PLEKHA8: variants seen among roughly 807,000 people sequenced by gnomAD.
The protein encoded by PLEKHA8 is pleckstrin homology domain-containing family A member 8.
PLEKHA8 carries 36 observed loss-of-function variants against 68.2 expected under a neutral mutation model. The ratio of observed to expected loss-of-function variants is 0.53; its 90% CI spans 0.40 to 0.70. The LOEUF (loss-of-function observed/expected upper bound fraction) is 0.70. PLEKHA8 is among the 30% of genes least tolerant of loss of function. The pLI is 0.00. For synonymous variants in PLEKHA8, 211 were observed against 216.1 expected (o/e 0.98, Z 0.20); for missense variants, 505 against 615.4 (o/e 0.82, Z 1.90).
At chr7:30,070,159 A>C (rs1227059184) in intron 12 of PLEKHA8, among the ~76,000 whole-genome samples, 1 of 149,172 alleles carries the variant, frequency 6.7e-6, no homozygotes, top group Non-Finnish European at 1.5e-5. Context: ...CTTTTATTTC[A>C]TTTGTTGGTT....
Position 30,078,597 on chromosome 7 carries a change from T to C in PLEKHA8, c.1370T>C (p.Leu457Ser). 6.2e-7 allele frequency: 1 copy of C among 1,613,720 alleles called. No individual in the cohort carries two copies. The highest frequency in any genetic ancestry group is 8.5e-7 in the Non-Finnish European group (1 of 1,179,786). ...TGGGTTATTCTTTTGCAGTTAGCTT[T>C]AAGGGCAGCTCCATCCTATGAAGAT... Reference protein sequence around the residue: ...WVVRGVFALALRAAPSYEDFV... With the variant: ...WVVRGVFALASRAAPSYEDFV... Residue 457 changes from leucine to serine, a missense_variant, in exon 14 of 14, where the codon TTA becomes TCA. Physicochemically the swap from Leu to Ser is moderately radical, Grantham distance 145 (BLOSUM62 -2). Transcript: ENST00000449726.
downstream of PLEKHA8, among the ~76,000 whole-genome samples, chr7:30,088,567 A>C (rs1795272319): frequency 6.6e-6 from 1 of 152,172 alleles, no homozygotes; most frequent in Non-Finnish European, 1.5e-5. Flanking sequence ...TTTTAGGATA[A>C]ATATGGCCAG....
At chr7:30,129,379 C>G (rs1796835827) in exon 14 of PLEKHA8, 6 of 1,595,226 alleles carry the variant, frequency 3.8e-6, no homozygotes, top group Non-Finnish European at 5.2e-6. Flanking sequence ...AGCTGAAACC[C>G]TGATGATAAA....
chr7:30,070,796 G>A (rs552559286), intron 12 of PLEKHA8, among the ~76,000 whole-genome samples: 26 of 152,096 alleles, frequency 1.7e-4, no homozygotes, highest in African/African-American at 3.1e-4. Context: ...CACCCGCCTC[G>A]GCCTCCCAAA....
intron 13 of PLEKHA8, among the ~76,000 whole-genome samples, chr7:30,113,212 G>A (rs891898649): frequency 1.3e-5 from 2 of 152,096 alleles, no homozygotes; most frequent in Non-Finnish European, 2.9e-5. Context: ...TTCTGGTTTT[G>A]ATTTGCTCCT....
At chr7:30,098,013 G>A (rs1195829419) in intron 13 of PLEKHA8, among the ~76,000 whole-genome samples, 1 of 152,186 alleles carries the variant, frequency 6.6e-6, no homozygotes, top group Admixed American at 6.5e-5. Flanking sequence ...TGGTGTGGAT[G>A]TCCTTTCTGT....
intron 9 of PLEKHA8, among the ~76,000 whole-genome samples, chr7:30,056,742 A>G (rs1326870774): frequency 2.7e-5 from 2 of 74,784 alleles, no homozygotes; most frequent in African/African-American, 1.0e-4. Flanking sequence ...AAAAAAAAAA[A>G]GTGTGTGTGT....
At chr7:30,066,114 T>G (rs1327669083) in intron 12 of PLEKHA8, among the ~76,000 whole-genome samples, 1 of 152,236 alleles carries the variant, frequency 6.6e-6, no homozygotes, top group Non-Finnish European at 1.5e-5. Context: ...TCTAAGAGAT[T>G]TTTAATAAGC....
intron 13 of PLEKHA8, chr7:30,117,945 T>C: frequency 6.7e-7 from 1 of 1,487,214 alleles, no homozygotes; most frequent in Middle Eastern, 1.7e-4. Flanking sequence ...ATTTAAAAAC[T>C]GAGACGTGGA....
intron 1 of PLEKHA8, among the ~76,000 whole-genome samples, chr7:30,031,983 A>G (rs995866096): frequency 6.6e-6 from 1 of 152,136 alleles, no homozygotes; most frequent in Non-Finnish European, 1.5e-5. Flanking sequence ...AAAAAAAAAA[A>G]GTTTACATGT....
chr7:30,089,159 C>T (rs937692660), downstream of PLEKHA8, among the ~76,000 whole-genome samples: 1 of 152,182 alleles, frequency 6.6e-6, no homozygotes. Context: ...CAGCTCCTTC[C>T]TCCTCCATAC....
downstream of PLEKHA8, among the ~76,000 whole-genome samples, chr7:30,085,219 T>G (rs997992865): frequency 9.2e-5 from 14 of 152,188 alleles, no homozygotes; most frequent in African/African-American, 3.4e-4. Context: ...GATTACAACT[T>G]GAGCCACTGT....
intron 13 of PLEKHA8, among the ~76,000 whole-genome samples, chr7:30,115,486 A>G (rs1174761321): frequency 2.0e-5 from 3 of 151,884 alleles, no homozygotes; most frequent in African/African-American, 4.8e-5. Context: ...GTATACGTGT[A>G]TGTAGACATA....
chr7:30,075,608 ACTGAGTTCTTAGG>A (rs886960660), intron 13 of PLEKHA8, among the ~76,000 whole-genome samples: 3 of 152,184 alleles, frequency 2.0e-5, no homozygotes, highest in Non-Finnish European at 4.4e-5. Flanking sequence ...AGAGGCCTCT[ACTGAGTTCTTAGG>A]CAATGGATGC....
rs1387750189 is a variant in PLEKHA8 at position 30,061,914 on chromosome 7, T to C, written c.1116T>C (p.Tyr372=). The part of the protein sequence containing the change: ...VGNIKKVNQK[Y]ITNKEEFTTL... Reference sequence around the variant, plus strand: ...CCCTCCAGAAAGTAAATCAGAAGTATATAACCAACAAAGAAGAGTTTACCA... The same window carrying C: ...CCCTCCAGAAAGTAAATCAGAAGTACATAACCAACAAAGAAGAGTTTACCA... Residue 372 remains tyrosine, a synonymous_variant, in exon 11 of 14, where the codon TAT becomes TAC. Transcript: ENST00000449726. The C allele has an allele frequency of 1.2e-5, 20 of 1,614,048 alleles. No individual in the cohort carries two copies. The highest frequency in any genetic ancestry group is 1.6e-5 in the Non-Finnish European group (19 of 1,180,006).
Position 30,062,738 on chromosome 7 carries a change from C to G in PLEKHA8, c.1296C>G (p.Ala432=). ...VKNGEKDIQT[A]LNNAYGKTLR... ...ATGGGGAGAAGGATATCCAGACAGC[C>G]CTAAGTAAGTGTTCTTTATGTTTTG... The change falls in exon 12 of 14, where the codon GCC becomes GCG. Residue 432 remains alanine (A), a synonymous_variant. Transcript: ENST00000449726. 1 of 1,611,894 alleles carries G rather than the reference C, an allele frequency of 6.2e-7. No homozygotes were observed. Among genetic ancestry groups the G allele is most frequent in the Non-Finnish European group, 8.5e-7 (1 of 1,178,218 alleles).
downstream of PLEKHA8, among the ~76,000 whole-genome samples, chr7:30,085,352 C>T (rs1795142533): frequency 1.3e-5 from 2 of 152,168 alleles, no homozygotes; most frequent in Non-Finnish European, 2.9e-5. Context: ...TCGAGAAAGG[C>T]TCGCTCCTTT....
chr7:30,121,242 G>A (rs1464314815), intron 13 of PLEKHA8, among the ~76,000 whole-genome samples: 1 of 152,160 alleles, frequency 6.6e-6, no homozygotes, highest in Non-Finnish European at 1.5e-5. Context: ...TGGCAGCTCA[G>A]GGTAGATGTC....
chr7:30,065,032 T>C (rs1337114148), intron 12 of PLEKHA8, among the ~76,000 whole-genome samples: 5 of 152,168 alleles, frequency 3.3e-5, no homozygotes, highest in Non-Finnish European at 7.4e-5. Flanking sequence ...CCAACCCCAA[T>C]TCTGCCCACT....
Sources: gnomAD v4.1 joint callset for allele counts (sites outside exome capture counted in the v4.1 genomes callset) on GRCh38, gnomAD v4.1.1 for gene constraint, MANE v1.5 for transcripts, NCBI Gene and HGNC (gene_info 2026-07-23, HGNC 2026-07-21) for gene names.